SLC15A1: variants seen among roughly 807,000 people sequenced by gnomAD.
SLC15A1 encodes Caco-2 oligopeptide transporter.
Under a neutral mutation model 92.9 loss-of-function variants are expected in SLC15A1, and 83 were observed. That is an observed-to-expected ratio of 0.89 (90% CI 0.75 to 1.07). The LOEUF (loss-of-function observed/expected upper bound fraction) is 1.07, where lower values mean the gene tolerates loss of function less well. Among genes scored for constraint, SLC15A1 ranks in the 50% least tolerant of loss-of-function variants. The pLI, the probability that SLC15A1 is intolerant of heterozygous loss-of-function variation, is 0.00. For synonymous variants in SLC15A1, 322 were observed against 318.2 expected, an observed-to-expected ratio of 1.01 and a Z score of -0.13; for missense variants, 857 against 880.1, an observed-to-expected ratio of 0.97 and a Z score of 0.33.
chr13:98,694,520 A>C (rs550401266), intron 18 of SLC15A1, among the ~76,000 whole-genome samples: 2,705 of 152,320 alleles, frequency 0.018, 33 homozygotes, highest in Admixed American at 0.026. Context: ...TGCATGCTCA[A>C]AATATTTTCA....
intron 1 of SLC15A1, among the ~76,000 whole-genome samples, chr13:98,728,071 A>T (rs1459484909): frequency 6.6e-6 from 1 of 152,230 alleles, no homozygotes; most frequent in Non-Finnish European, 1.5e-5. Flanking sequence ...CCACTGGTCC[A>T]GGCAGTGTGC....
At chr13:98,700,849 A>G (rs1190708397) in intron 18 of SLC15A1, among the ~76,000 whole-genome samples, 1 of 152,202 alleles carries the variant, frequency 6.6e-6, no homozygotes, top group East Asian at 1.9e-4. Flanking sequence ...CACTTTTGAC[A>G]AAAATCAGTT....
chr13:98,744,146 C>T (rs2088472826), intron 1 of SLC15A1, among the ~76,000 whole-genome samples: 1 of 147,460 alleles, frequency 6.8e-6, no homozygotes, highest in Non-Finnish European at 1.5e-5. Context: ...GAGGCTCAGG[C>T]AGGAGGATTG....
At chr13:98,738,555 C>T (rs768688983) in intron 1 of SLC15A1, among the ~76,000 whole-genome samples, 2 of 152,282 alleles carry the variant, frequency 1.3e-5, no homozygotes, top group African/African-American at 4.8e-5. Flanking sequence ...CAAGATACAG[C>T]CCAGGCTGCT....
chr13:98,748,154 T>C lies in SLC15A1; in HGVS notation c.4+4441A>G, dbSNP rs115492167. On this transcript the variant is annotated intron_variant, in intron 1 of 22. Coordinates refer to ENST00000376503, the MANE Select transcript of SLC15A1 (RefSeq NM_005073.4). ...CCTGCCCCCTGAGGATATAATTTCTTCAGGCAGGATTATTTTTATCCTCAC... is the reference window on the plus strand; with the variant it reads ...CCTGCCCCCTGAGGATATAATTTCTCCAGGCAGGATTATTTTTATCCTCAC... 6.6e-3 allele frequency among the ~76,000 whole-genome samples: 999 copies of C among 152,324 alleles called. 9 individuals are homozygous for C. The highest frequency in any genetic ancestry group is 0.023 in the African/African-American group (958 of 41,568).
At chr13:98,750,403 G>A (rs547074607) in intron 1 of SLC15A1, among the ~76,000 whole-genome samples, 3 of 152,158 alleles carry the variant, frequency 2.0e-5, no homozygotes, top group African/African-American at 7.2e-5. Flanking sequence ...GAGCCACCGC[G>A]CCCAGCCCCA....
At chr13:98,716,607 G>A (rs1016111595) in intron 8 of SLC15A1, among the ~76,000 whole-genome samples, 3 of 152,168 alleles carry the variant, frequency 2.0e-5, no homozygotes, top group East Asian at 1.9e-4. Context: ...CGGTGACAGA[G>A]TGAAACTCCA....
chr13:98,750,538 A>G (rs1409733039), intron 1 of SLC15A1, among the ~76,000 whole-genome samples: 1 of 152,134 alleles, frequency 6.6e-6, no homozygotes, highest in Non-Finnish European at 1.5e-5. Context: ...ATTCATTCAG[A>G]ACTTCTGCTC....
At chr13:98,696,389 G>A (rs7990839) in intron 18 of SLC15A1, among the ~76,000 whole-genome samples, 5,196 of 151,880 alleles carry the variant, frequency 0.034, 150 homozygotes, top group East Asian at 0.09. Flanking sequence ...CTCCAGCCTG[G>A]ATGACAGAGT....
At position 98,684,687 on chromosome 13, in the gene SLC15A1, T is replaced by C; in HGVS notation, c.*37A>G. 6.3e-7 allele frequency: 1 copy of C among 1,585,326 alleles called. No individual in the cohort carries two copies. The highest frequency in any genetic ancestry group is 1.1e-5 in the South Asian group (1 of 88,622). On this transcript the variant is annotated 3_prime_UTR_variant, in exon 23 of 23. Transcript: ENST00000376503. ...ACCTGGGGGCAGAGGTCAGGGCATCTGCGGGCCCAGTCCATCCTCCACTTG... is the reference window on the plus strand; with the variant it reads ...ACCTGGGGGCAGAGGTCAGGGCATCCGCGGGCCCAGTCCATCCTCCACTTG...
At chr13:98,712,849 C>T (rs577038438) in intron 9 of SLC15A1, among the ~76,000 whole-genome samples, 18 of 152,230 alleles carry the variant, frequency 1.2e-4, no homozygotes, top group African/African-American at 3.6e-4. Flanking sequence ...AAATACAACA[C>T]GTGTTTGCAA....
chr13:98,712,719 A>G, intron 9 of SLC15A1, 135 bp from the exon 10 acceptor site: 2 of 597,528 alleles, frequency 3.3e-6, no homozygotes. Context: ...ATCTACTAGT[A>G]TATGAGTACT....
Position 98,709,794 on chromosome 13 carries a change from A to C in SLC15A1, c.946-20T>G. 6.2e-7 allele frequency: 1 copy of C among 1,614,216 alleles called. No individual in the cohort carries two copies. The highest frequency in any genetic ancestry group is 8.5e-7 in the Non-Finnish European group (1 of 1,180,044). ...AGCTCCCTAAAAAGAGAGGAAAACA[A>C]TCTCAGTGAAAAATGTCATGAAAGG... On this transcript the variant is annotated intron_variant, in intron 12 of 22. Coordinates refer to ENST00000376503, the MANE Select transcript of SLC15A1 (RefSeq NM_005073.4).
chr13:98,751,537 T>C (rs1298577294), intron 1 of SLC15A1, among the ~76,000 whole-genome samples: 5 of 152,226 alleles, frequency 3.3e-5, no homozygotes, highest in African/African-American at 1.2e-4. Flanking sequence ...GGAATCTGCC[T>C]GCAGAGCTGA....
intron 5 of SLC15A1, among the ~76,000 whole-genome samples, chr13:98,722,856 G>A (rs1224374010): frequency 6.6e-6 from 1 of 152,150 alleles, no homozygotes; most frequent in Admixed American, 6.5e-5. Context: ...TTTTAGGTGT[G>A]CTCCAATACG....
intron 18 of SLC15A1, among the ~76,000 whole-genome samples, chr13:98,701,620 C>A (rs573619441): frequency 6.6e-6 from 1 of 151,760 alleles, no homozygotes; most frequent in Non-Finnish European, 1.5e-5. Context: ...CCCACCTCAG[C>A]CCCCTGAGTG....
chr13:98,683,810 G>A lies in SLC15A1; in HGVS notation c.*914C>T, dbSNP rs578247729. 1.8e-4 allele frequency: 28 copies of A among 152,282 alleles called. No homozygotes were observed. Among genetic ancestry groups the A allele is most frequent in the African/African-American group, 6.7e-4 (28 of 41,552 alleles). 9.4% of individuals were successfully genotyped at this position (152,282 alleles called of 1,614,324 possible). On this transcript the variant is annotated 3_prime_UTR_variant, in exon 23 of 23. Coordinates refer to ENST00000376503, the MANE Select transcript of SLC15A1 (RefSeq NM_005073.4). ...ACATGAACACTTAGGCTTAAGAACA[G>A]AAATTTATTTCACACCATTGAAACT... is the stretch of plus-strand genomic sequence containing the variant.
chr13:98,691,500 G>A (rs1400144778), intron 18 of SLC15A1, among the ~76,000 whole-genome samples: 5 of 152,162 alleles, frequency 3.3e-5, no homozygotes, highest in Non-Finnish European at 2.9e-5. Flanking sequence ...TCTCTTCTGG[G>A]TGACACCTCA....
intron 1 of SLC15A1, among the ~76,000 whole-genome samples, chr13:98,741,547 C>T (rs112942506): frequency 6.2e-4 from 95 of 152,204 alleles, no homozygotes; most frequent in African/African-American, 2.2e-3. Flanking sequence ...ACCAGCCTGG[C>T]CAACATGGTG....
Sources: allele counts gnomAD v4.1 joint callset (sites outside exome capture counted in the v4.1 genomes callset), GRCh38; gene constraint gnomAD v4.1.1; transcripts MANE v1.5; gene names NCBI Gene and HGNC (gene_info 2026-07-23, HGNC 2026-07-21).